CDH18: variants seen among roughly 807,000 people sequenced by gnomAD.
The protein encoded by CDH18 is cadherin-18.
A neutral mutation model predicts 67.9 loss-of-function variants in CDH18; 31 were observed. The observed-to-expected ratio is 0.46, with a 90% CI of 0.34 to 0.62. The LOEUF (loss-of-function observed/expected upper bound fraction) is 0.62, where lower values mean the gene tolerates loss of function less well. CDH18 is among the 20% of genes least tolerant of loss of function. The pLI, the probability that CDH18 is intolerant of heterozygous loss-of-function variation, is 0.01. For synonymous variants in CDH18, 362 were observed against 347.2 expected, an observed-to-expected ratio of 1.04 and a Z score of -0.48; for missense variants, 890 against 975.5, an observed-to-expected ratio of 0.91 and a Z score of 1.17.
At chr5:20,065,204 T>A (rs1167083463) in intron 2 of CDH18, among the ~76,000 whole-genome samples, 1 of 151,992 alleles carries the variant, frequency 6.6e-6, no homozygotes, top group African/African-American at 2.4e-5. Flanking sequence ...CTCGTGAGAA[T>A]CTTTGTTCAT....
At chr5:19,488,237 C>T (rs1740717380) in intron 11 of CDH18, among the ~76,000 whole-genome samples, 1 of 151,978 alleles carries the variant, frequency 6.6e-6, no homozygotes, top group African/African-American at 2.4e-5. Context: ...ATTTTTTAGT[C>T]CAAAATTACC....
intron 2 of CDH18, among the ~76,000 whole-genome samples, chr5:19,897,257 G>A (rs1358279951): frequency 6.6e-6 from 1 of 151,952 alleles, no homozygotes; most frequent in East Asian, 1.9e-4. Context: ...AAAGAAATGG[G>A]CAAAATGTTT....
chr5:19,870,377 G>A (rs1303604168), intron 2 of CDH18, among the ~76,000 whole-genome samples: 1 of 152,046 alleles, frequency 6.6e-6, no homozygotes, highest in Non-Finnish European at 1.5e-5. Flanking sequence ...AGAAAAGATA[G>A]TTTTCTCTAG....
chr5:20,137,660 A>T (rs1298766100), intron 2 of CDH18, among the ~76,000 whole-genome samples: 1 of 152,044 alleles, frequency 6.6e-6, no homozygotes, highest in Non-Finnish European at 1.5e-5. Context: ...GGAGGAGAAG[A>T]GGCACTCTGA....
chr5:20,024,965 G>A (rs1248146914), intron 2 of CDH18, among the ~76,000 whole-genome samples: 4 of 152,072 alleles, frequency 2.6e-5, no homozygotes, highest in Non-Finnish European at 2.9e-5. Context: ...TTAATATTGT[G>A]GCTTATCTAC....
intron 2 of CDH18, among the ~76,000 whole-genome samples, chr5:20,104,157 T>C (rs1746720413): frequency 6.6e-6 from 1 of 151,440 alleles, no homozygotes; most frequent in African/African-American, 2.4e-5. Context: ...ATATAGATTA[T>C]TATATATTGA....
intron 1 of CDH18, among the ~76,000 whole-genome samples, chr5:20,306,807 T>A (rs2149980355): frequency 6.6e-6 from 1 of 152,328 alleles, no homozygotes; most frequent in Non-Finnish European, 1.5e-5. Flanking sequence ...GATATATTAC[T>A]TTCCATATTT....
At chr5:20,565,527 C>T (rs1389305585) in intron 1 of CDH18, among the ~76,000 whole-genome samples, 1 of 152,080 alleles carries the variant, frequency 6.6e-6, no homozygotes, top group Non-Finnish European at 1.5e-5. Flanking sequence ...CATCTCCCAC[C>T]ATCACAACTT....
intron 2 of CDH18, among the ~76,000 whole-genome samples, chr5:19,842,306 T>C (rs1048867721): frequency 2.6e-5 from 4 of 152,134 alleles, no homozygotes; most frequent in African/African-American, 9.7e-5. Context: ...TGAATTGTAA[T>C]CCCCATTTTG....
intron 2 of CDH18, among the ~76,000 whole-genome samples, chr5:19,880,169 A>G (rs1002332839): frequency 2.6e-5 from 4 of 151,912 alleles, no homozygotes; most frequent in African/African-American, 9.7e-5. Context: ...TTTCTTTTCT[A>G]CTATCTAACT....
chr5:19,795,506 T>A (rs548767056), intron 3 of CDH18, among the ~76,000 whole-genome samples: 6 of 152,250 alleles, frequency 3.9e-5, no homozygotes, highest in Admixed American at 3.3e-4. Flanking sequence ...TTAGTAAGAC[T>A]GAAATAAATA....
chr5:19,974,811 A>T (rs1798352574), intron 2 of CDH18, among the ~76,000 whole-genome samples: 1 of 152,140 alleles, frequency 6.6e-6, no homozygotes, highest in African/African-American at 2.4e-5. Context: ...ATATGAGCCC[A>T]TCAGCTGGGA....
chr5:20,481,148 T>C (rs1012795611), intron 1 of CDH18, among the ~76,000 whole-genome samples: 8 of 150,128 alleles, frequency 5.3e-5, no homozygotes, highest in Middle Eastern at 3.2e-3. Context: ...TGAAAACAGA[T>C]ATTCCATGCA....
At chr5:20,399,736 C>G (rs1429517673) in intron 1 of CDH18, among the ~76,000 whole-genome samples, 1 of 152,036 alleles carries the variant, frequency 6.6e-6, no homozygotes, top group East Asian at 1.9e-4. Flanking sequence ...ATAAATAAGC[C>G]CTTACACACA....
chr5:20,356,082 TA>T (rs1741582739), intron 1 of CDH18, among the ~76,000 whole-genome samples: 1 of 152,158 alleles, frequency 6.6e-6, no homozygotes, highest in Non-Finnish European at 1.5e-5. Context: ...AAACCCACTC[TA>T]AAATTAAAAA....
chr5:19,565,580 T>A (rs1740240627), intron 8 of CDH18, among the ~76,000 whole-genome samples: 1 of 151,854 alleles, frequency 6.6e-6, no homozygotes, highest in Non-Finnish European at 1.5e-5. Context: ...CTTGGAAGAG[T>A]CCCCAAGAAT....
intron 2 of CDH18, among the ~76,000 whole-genome samples, chr5:19,840,288 G>GAAAAAAAAAAAAAAAAAAAAAAAAAAAAA (rs70954608): frequency 7.8e-6 from 1 of 128,054 alleles, no homozygotes; most frequent in Non-Finnish European, 1.6e-5. Flanking sequence ...AAAAAAAAAA[G>GAAAAAAAAAAAAAAAAAAAAAAAAAAAAA]AAAAAAAAAA....
intron 10 of CDH18, among the ~76,000 whole-genome samples, chr5:19,510,890 C>A (rs1197193365): frequency 6.6e-6 from 1 of 151,616 alleles, no homozygotes; most frequent in Non-Finnish European, 1.5e-5. Flanking sequence ...CAGCTCACTA[C>A]AACTTACGCC....
At chr5:19,790,196 C>A (rs186889689) in intron 3 of CDH18, among the ~76,000 whole-genome samples, 46 of 152,210 alleles carry the variant, frequency 3.0e-4, no homozygotes, top group African/African-American at 9.6e-4. Context: ...CTAAACCTTT[C>A]TAGTTTTCCA....
Sources: gnomAD v4.1 joint callset for allele counts (sites outside exome capture counted in the v4.1 genomes callset) on GRCh38, gnomAD v4.1.1 for gene constraint, MANE v1.5 for transcripts, NCBI Gene and HGNC (gene_info 2026-07-23, HGNC 2026-07-21) for gene names.